The following BPIFB6 variants were observed in gnomAD, a reference collection of about 807,000 sequenced individuals.
BPIFB6 encodes the protein BPI fold containing family B member 6.
In BPIFB6, 47 loss-of-function variants were observed where a neutral mutation model predicts 54.7. The observed-to-expected ratio is 0.86, with a 90% CI of 0.68 to 1.10. BPIFB6 has a LOEUF of 1.10. BPIFB6 is among the 50% of genes least tolerant of loss of function. BPIFB6 has a pLI of 0.00. For missense variants in BPIFB6, 603 were observed against 564.1 expected (o/e 1.07, Z -0.70); for synonymous variants, 255 against 225.9 (o/e 1.13, Z -1.16).
chr20:33,042,485 G>A (rs1003691080), intron 12 of BPIFB6, among the ~76,000 whole-genome samples: 6 of 152,224 alleles, frequency 3.9e-5, no homozygotes, highest in Non-Finnish European at 8.8e-5. Flanking sequence ...CTATAGAGCG[G>A]TGGTAAGTGA....
At position 33,037,730 on chromosome 20, in the gene BPIFB6, G is replaced by A; in HGVS notation, c.838G>A (p.Asp280Asn). ...GAAGTCCTTTCATGTGAATATCCAG[G>A]ATACAATGGTGAGCTGTCCAGTTCC... ...LQKSFHVNIQ[D>N]TMIGELPPQT... The change falls in exon 8 of 15, where the codon GAT (aspartate) becomes AAT (asparagine). Residue 280 changes from aspartate (D) to asparagine (N), a missense_variant. Asp to Asn is a conservative substitution (Grantham distance 23). Transcript: ENST00000349552. 1 of 1,614,068 alleles carries A rather than the reference G, an allele frequency of 6.2e-7. No individual in the cohort carries two copies. Among genetic ancestry groups the A allele is most frequent in the Non-Finnish European group, 8.5e-7 (1 of 1,180,010 alleles).
At position 33,036,413 on chromosome 20, in the gene BPIFB6, GCCTCTTTGAGTGGAA is replaced by G. The variant is rs775373616; in HGVS notation, c.578-27_578-13del. 1.9e-6 allele frequency: 3 copies of G among 1,571,220 alleles called. No individual in the cohort carries two copies. The Admixed American group carries it at 5.2e-5, about 27-fold the overall frequency. ...TCTCTGGGCTGTTCCTGGGGTTGGT[GCCTCTTTGAGTGGAA>G]CCTCCTTTTCACACAGACCCCATGC... is the stretch of plus-strand genomic sequence containing the variant. On this transcript the variant is annotated splice_polypyrimidine_tract_variant and intron_variant, in intron 6 of 14. Transcript: ENST00000349552.
Position 33,043,303 on chromosome 20 carries a change from T to C in BPIFB6, c.1265T>C (p.Val422Ala). Residue 422 changes from valine to alanine, a missense_variant, in exon 14 of 15, where the codon GTG becomes GCG. Physicochemically the swap from Val to Ala is moderately conservative, Grantham distance 64 (BLOSUM62 0). Coordinates refer to ENST00000349552, the MANE Select transcript of BPIFB6 (RefSeq NM_174897.2). The part of the protein sequence containing the change: ...YIPVVNDVLQ[V>A]GLPLPDFLAM... ...CTGTATTTCTCAGATGTGCTTCAAG[T>C]GGGGCTCCCACTCCCGGACTTTCTG... The C allele has an allele frequency of 1.2e-6, 2 of 1,614,110 alleles. No individual in the cohort carries two copies. Among genetic ancestry groups the C allele is most frequent in the Non-Finnish European group, 1.7e-6 (2 of 1,179,988 alleles).
intron 1 of BPIFB6, among the ~76,000 whole-genome samples, chr20:33,032,369 G>T (rs1427348140): frequency 6.6e-6 from 1 of 152,150 alleles, no homozygotes; most frequent in African/African-American, 2.4e-5. Context: ...TTCTGGCGGG[G>T]TGTTACTTGG....
chr20:33,033,147 C>T lies in BPIFB6; in HGVS notation c.197+64C>T. 6 of 1,260,340 alleles carry T rather than the reference C, an allele frequency of 4.8e-6. No individual in the cohort carries two copies. The South Asian group carries it at 6.0e-5, about 13-fold the overall frequency. 78.1% of individuals were successfully genotyped at this position (1,260,340 alleles called of 1,614,324 possible). A position where few individuals can be genotyped will look rare whatever the true frequency, so the allele number is the denominator to read the frequency against. On this transcript the variant is annotated intron_variant, in intron 2 of 14. Transcript: ENST00000349552. ...CAGAGGGTGGTGGGGATTGCTGTGC[C>T]CAAGATCTTAGCAGGCCAGGTAATG...
At chr20:33,034,982 A>T in intron 4 of BPIFB6, 70 bp downstream of exon 4, 1 of 1,606,242 alleles carries the variant, frequency 6.2e-7, no homozygotes, top group Non-Finnish European at 8.5e-7. Context: ...TCACTTCCTG[A>T]GCCATGGAAC....
chr20:33,040,898 G>A (rs1033868395), intron 11 of BPIFB6, among the ~76,000 whole-genome samples: 6 of 151,708 alleles, frequency 4.0e-5, no homozygotes, highest in Non-Finnish European at 5.9e-5. Context: ...GATTCTTTCC[G>A]TTGCAAGAGA....
In BPIFB6 at chr20:33,041,989, A is replaced by G; in HGVS notation, c.1162A>G (p.Lys388Glu). The G allele has an allele frequency of 6.2e-7, 1 of 1,614,146 alleles. No homozygotes were observed. ...SLDRLLSLSR[K>E]SSSIGNFNER... ...CCACAGATTACTGAGCTTGTCCCGG[A>G]AGTCCTCATCGATTGGCAACTTCAA... is the stretch of plus-strand genomic sequence containing the variant. The change falls in exon 12 of 15, where the codon AAG becomes GAG. Residue 388 changes from lysine to glutamate, a missense_variant. By Grantham distance (56) the Lys-to-Glu change is moderately conservative. Transcript: ENST00000349552.
chr20:33,036,308 C>T lies in BPIFB6; in HGVS notation c.578-137C>T, dbSNP rs1600524506. On this transcript the variant is annotated intron_variant, in intron 6 of 14. Transcript: ENST00000349552. ...GGCCTCTATTCTACAGATGAAGTTA[C>T]AGAGGCCCAGAAGTGCTAAGGAATT... 8.6e-6 allele frequency: 6 copies of T among 696,758 alleles called. No homozygotes were observed. In the South Asian group the frequency reaches 8.7e-5, roughly 10 times the overall value. The allele number at this position is 696,758 out of a possible 1,614,324, so 43.2% of individuals were successfully genotyped here.
chr20:33,038,224 T>C (rs1979428162), intron 8 of BPIFB6, among the ~76,000 whole-genome samples: 1 of 152,008 alleles, frequency 6.6e-6, no homozygotes, highest in Non-Finnish European at 1.5e-5. Flanking sequence ...CCTTTATCCA[T>C]CCTCCTACTC....
At chr20:33,033,307 C>G (rs59881693) in intron 2 of BPIFB6, 1 of 640,272 alleles carries the variant, frequency 1.6e-6, no homozygotes, top group South Asian at 1.5e-5. Flanking sequence ...TTGTAGTGAG[C>G]AGGGTCATTT....
At chr20:33,034,603 T>C (rs975910490) in intron 3 of BPIFB6, among the ~76,000 whole-genome samples, 160 bp from the exon 4 acceptor site, 34 of 152,160 alleles carry the variant, frequency 2.2e-4, no homozygotes, top group Non-Finnish European at 3.8e-4. Context: ...GAAAAGCTGG[T>C]TGTGTCACCT....
chr20:33,036,602 T>C, intron 7 of BPIFB6, 66 bp downstream of exon 7: 1 of 1,428,456 alleles, frequency 7.0e-7, no homozygotes, highest in Non-Finnish European at 9.9e-7. Context: ...TGGGTGATGC[T>C]TCTGCCAGGA....
intron 9 of BPIFB6, 21 bp downstream of exon 9, chr20:33,038,983 T>C (rs768538233): frequency 1.2e-6 from 2 of 1,613,510 alleles, no homozygotes; most frequent in South Asian, 2.2e-5. Context: ...CACCTCCCCA[T>C]CACCACTGCA....
At position 33,035,081 on chromosome 20, in the gene BPIFB6, C is replaced by T. The variant is rs62207509; in HGVS notation, c.453C>T (p.Asn151=). Residue 151 remains asparagine (N), a splice_region_variant and synonymous_variant, in exon 5 of 15, where the codon AAC becomes AAT. Coordinates refer to ENST00000349552, the MANE Select transcript of BPIFB6 (RefSeq NM_174897.2). ...ATCCTCGGTGCCTGTGTCCATCTAG[C>T]ATGCTCCCCAAGATGGTCAACAAGT... ...LVNVKTNLPS[N]MLPKMVNKFL... is the part of the protein sequence containing the mutation. 6.2e-7 allele frequency: 1 copy of T among 1,613,868 alleles called. No individual in the cohort carries two copies.
chr20:33,038,402 T>C (rs1979435895), intron 8 of BPIFB6, among the ~76,000 whole-genome samples: 1 of 152,174 alleles, frequency 6.6e-6, no homozygotes, highest in African/African-American at 2.4e-5. Context: ...CATCCATTTA[T>C]CATTCTACTC....
chr20:33,037,808 A>G (rs1225992388), intron 8 of BPIFB6, 70 bp downstream of exon 8: 12 of 1,544,146 alleles, frequency 7.8e-6, no homozygotes, highest in Non-Finnish European at 9.8e-6. Context: ...TAGTTTTTCT[A>G]TCATGAAAAT....
intron 6 of BPIFB6, among the ~76,000 whole-genome samples, chr20:33,036,232 T>C (rs1979336736): frequency 6.6e-6 from 1 of 152,132 alleles, no homozygotes; most frequent in Non-Finnish European, 1.5e-5. Flanking sequence ...TTTGGTGAAC[T>C]CTCAAGCTCT....
chr20:33,037,442 G>A, intron 7 of BPIFB6, 120 bp from the exon 8 acceptor site: 1 of 984,442 alleles, frequency 1.0e-6, no homozygotes, highest in East Asian at 2.6e-5. Flanking sequence ...CTCTTAATAA[G>A]ATTTAATGAT....
Sources: gnomAD v4.1 joint callset for allele counts (sites outside exome capture counted in the v4.1 genomes callset) on GRCh38, gnomAD v4.1.1 for gene constraint, MANE v1.5 for transcripts, NCBI Gene and HGNC (gene_info 2026-07-23, HGNC 2026-07-21) for gene names.